Variants in AKR1E2 observed in about 807,000 individuals in gnomAD.
AKR1E2 encodes 1,5-anhydro-D-fructose reductase.
AKR1E2 carries 43 observed loss-of-function variants against 41.9 expected under a neutral mutation model. That is an observed-to-expected ratio of 1.03 (90% CI 0.80 to 1.32). AKR1E2 has a LOEUF of 1.32. Ranked by LOEUF, AKR1E2 falls within the 40% of genes most tolerant of loss-of-function variation. The pLI, the probability that AKR1E2 is intolerant of heterozygous loss-of-function variation, is 0.00. For synonymous variants in AKR1E2, 121 were observed against 138.9 expected, an observed-to-expected ratio of 0.87 and a Z score of 0.91; for missense variants, 423 against 396.5, an observed-to-expected ratio of 1.07 and a Z score of -0.57.
chr10:4,837,883 C>T (rs769943952), intron 5 of AKR1E2, among the ~76,000 whole-genome samples: 1 of 152,168 alleles, frequency 6.6e-6, no homozygotes, highest in Non-Finnish European at 1.5e-5. Flanking sequence ...GGTGCCTCAC[C>T]CTTATCCAGG....
chr10:4,835,196 A>G (rs1833303192), intron 3 of AKR1E2, among the ~76,000 whole-genome samples: 1 of 152,186 alleles, frequency 6.6e-6, no homozygotes, highest in Admixed American at 6.5e-5. Context: ...CCCTTTCAAG[A>G]TGTATCTCTC....
intron 8 of AKR1E2, among the ~76,000 whole-genome samples, chr10:4,844,794 C>A (rs1332798220): frequency 6.6e-6 from 1 of 152,222 alleles, no homozygotes; most frequent in East Asian, 1.9e-4. Flanking sequence ...ATTTACAATC[C>A]CCTAGCTAGA....
Position 4,837,472 on chromosome 10 carries a change from T to C in AKR1E2, c.473T>C (p.Leu158Pro). The C allele has an allele frequency of 1.9e-6, 3 of 1,604,044 alleles. No individual in the cohort carries two copies. The highest frequency in any genetic ancestry group is 2.6e-6 in the Non-Finnish European group (3 of 1,173,736). Residue 158 changes from leucine (L) to proline (P), a missense_variant, in exon 5 of 10, where the codon CTG (leucine) becomes CCG (proline). Leu to Pro is a moderately conservative substitution (Grantham distance 98, BLOSUM62 -3). Transcript: ENST00000298375. Reference protein sequence around the residue: ...FLDTWEAMEDLVITGLVKNIG... With the variant: ...FLDTWEAMEDPVITGLVKNIG... The stretch of plus-strand genomic sequence containing the variant: ...GTTCTCTTATAGGCCATGGAGGACC[T>C]GGTGATCACCGGGCTGGTGAAGAAC...
intron 3 of AKR1E2, 116 bp from the exon 4 acceptor site, chr10:4,835,559 C>A: frequency 7.5e-7 from 1 of 1,326,588 alleles, no homozygotes; most frequent in Non-Finnish European, 1.0e-6. Flanking sequence ...GGTCACATGG[C>A]CAGGCTGGGG....
chr10:4,855,073 C>T, the AKR1E2 span, among the ~76,000 whole-genome samples: 6 of 152,170 alleles, frequency 3.9e-5, no homozygotes, highest in African/African-American at 1.2e-4. Context: ...AAGATCGCTT[C>T]ATGACCACAA....
intron 5 of AKR1E2, 114 bp from the exon 6 acceptor site, chr10:4,839,615 C>G: frequency 1.1e-6 from 1 of 887,742 alleles, no homozygotes; most frequent in Non-Finnish European, 1.8e-6. Flanking sequence ...AGGCCTGGAG[C>G]TGGGCCCCAT....
chr10:4,826,314 C>G lies in AKR1E2; in HGVS notation c.-11C>G. Reference sequence around the variant, plus strand: ...CGGGGCGGCGGGGCGGCGGGGCGGCCGGCGGCGGCCATGGGAGATATCCCA... The same window carrying G: ...CGGGGCGGCGGGGCGGCGGGGCGGCGGGCGGCGGCCATGGGAGATATCCCA... On this transcript the variant is annotated 5_prime_UTR_variant, in exon 1 of 10. Coordinates refer to ENST00000298375, the MANE Select transcript of AKR1E2 (RefSeq NM_001040177.3). The G allele has an allele frequency of 1.6e-6, 2 of 1,228,896 alleles. No homozygotes were observed. The highest frequency in any genetic ancestry group is 2.9e-4 in the Middle Eastern group (1 of 3,390). 76.1% of individuals were successfully genotyped at this position (1,228,896 alleles called of 1,614,324 possible).
chr10:4,839,517 T>C (rs571985094), intron 5 of AKR1E2, among the ~76,000 whole-genome samples: 1 of 152,324 alleles, frequency 6.6e-6, no homozygotes, highest in African/African-American at 2.4e-5. Context: ...ATGATGTAGG[T>C]GTCCCCAAGG....
chr10:4,866,315 C>T, the AKR1E2 span, among the ~76,000 whole-genome samples: 68 of 152,280 alleles, frequency 4.5e-4, no homozygotes, highest in South Asian at 0.014. Flanking sequence ...GCACTGGAAC[C>T]AGTTTTCTGG....
intron 8 of AKR1E2, among the ~76,000 whole-genome samples, chr10:4,843,588 C>T (rs889009334): frequency 6.6e-6 from 1 of 152,228 alleles, no homozygotes; most frequent in Non-Finnish European, 1.5e-5. Context: ...CCTGAGGGCT[C>T]GGTTTGGTTG....
chr10:4,833,417 A>G lies in AKR1E2; in HGVS notation c.275A>G (p.Lys92Arg), dbSNP rs770043044. The G allele has an allele frequency of 1.9e-6, 3 of 1,614,172 alleles. No individual in the cohort carries two copies. In the South Asian group the frequency reaches 3.3e-5, roughly 18 times the overall value. ...TGCAGAAAGAGTCTCAAGGCCTTGA[A>G]GCTGAACTATTTGGACCTCTACCTC... Reference protein sequence around the residue: ...TACRKSLKALKLNYLDLYLIH... With the variant: ...TACRKSLKALRLNYLDLYLIH... Residue 92 changes from lysine to arginine, a missense_variant, in exon 3 of 10, where the codon AAG becomes AGG. By Grantham distance (26) the Lys-to-Arg change is conservative. Coordinates refer to ENST00000298375, the MANE Select transcript of AKR1E2 (RefSeq NM_001040177.3).
At chr10:4,872,937 G>T in the AKR1E2 span, among the ~76,000 whole-genome samples, 2 of 152,144 alleles carry the variant, frequency 1.3e-5, no homozygotes, top group Non-Finnish European at 2.9e-5. Flanking sequence ...AAAGGAGTGA[G>T]CAATCCTGCT....
intron 2 of AKR1E2, 143 bp downstream of exon 2, chr10:4,830,985 C>T: frequency 9.2e-7 from 1 of 1,081,134 alleles, no homozygotes; most frequent in Non-Finnish European, 1.3e-6. Flanking sequence ...CATGAGCATG[C>T]TGAATTATAT....
chr10:4,828,336 G>A (rs1564252333), intron 1 of AKR1E2, among the ~76,000 whole-genome samples: 1 of 152,208 alleles, frequency 6.6e-6, no homozygotes, highest in Non-Finnish European at 1.5e-5. Context: ...GCGGTGAGAT[G>A]TCTGGAGACC....
At chr10:4,825,700 G>C (rs1417287924), upstream of AKR1E2, among the ~76,000 whole-genome samples, 1 of 152,162 alleles carries the variant, frequency 6.6e-6, no homozygotes, top group Admixed American at 6.5e-5. Flanking sequence ...ACCTGAGAAT[G>C]GCCATCCTTG....
At chr10:4,835,087 G>A (rs1294320581) in intron 3 of AKR1E2, among the ~76,000 whole-genome samples, 1 of 152,226 alleles carries the variant, frequency 6.6e-6, no homozygotes, top group Non-Finnish European at 1.5e-5. Flanking sequence ...AAATAAACAT[G>A]CCTATGCCAT....
At chr10:4,860,533 G>T in the AKR1E2 span, among the ~76,000 whole-genome samples, 1 of 152,072 alleles carries the variant, frequency 6.6e-6, no homozygotes, top group African/African-American at 2.4e-5. Context: ...CAACTTTTTT[G>T]ATTGCACCTC....
chr10:4,835,584 G>T, intron 3 of AKR1E2, 91 bp from the exon 4 acceptor site: 4 of 1,479,856 alleles, frequency 2.7e-6, no homozygotes, highest in Non-Finnish European at 3.6e-6. Flanking sequence ...TTAGTGACAG[G>T]GCTGTGGCTT....
chr10:4,865,217 C>T, the AKR1E2 span, among the ~76,000 whole-genome samples: 1 of 151,984 alleles, frequency 6.6e-6, no homozygotes, highest in African/African-American at 2.4e-5. Flanking sequence ...AAAGACAAAA[C>T]AAAAATAATA....
Sources: allele counts gnomAD v4.1 joint callset (sites outside exome capture counted in the v4.1 genomes callset), GRCh38; gene constraint gnomAD v4.1.1; transcripts MANE v1.5; gene names NCBI Gene and HGNC (gene_info 2026-07-23, HGNC 2026-07-21).